ST7: variants seen among roughly 807,000 people sequenced by gnomAD.
The protein encoded by ST7 is suppressor of tumorigenicity 7 protein.
ST7 carries 28 observed loss-of-function variants against 78.7 expected under a neutral mutation model. The ratio of observed to expected loss-of-function variants is 0.36; its 90% CI spans 0.26 to 0.49. The LOEUF is 0.49. Among genes scored for constraint, ST7 ranks in the 20% least tolerant of loss-of-function variants. ST7 has a pLI of 0.99. For missense variants in ST7, 418 were observed against 696.0 expected (o/e 0.60, Z 4.49); for synonymous variants, 247 against 249.6 (o/e 0.99, Z 0.10).
intron 1 of ST7, among the ~76,000 whole-genome samples, chr7:117,049,894 A>G (rs1797682789): frequency 6.6e-6 from 1 of 152,104 alleles, no homozygotes; most frequent in Admixed American, 6.5e-5. Context: ...ACAGTATTGT[A>G]CTAAACGTGA....
chr7:117,210,279 C>T (rs965179486), intron 13 of ST7, among the ~76,000 whole-genome samples: 1 of 152,180 alleles, frequency 6.6e-6, no homozygotes, highest in African/African-American at 2.4e-5. Context: ...GGTTAGGCTT[C>T]GTGCTGGACA....
chr7:117,025,886 T>G (rs1243965969), intron 1 of ST7, among the ~76,000 whole-genome samples: 3 of 152,236 alleles, frequency 2.0e-5, no homozygotes, highest in Non-Finnish European at 4.4e-5. Flanking sequence ...CTTCTGCATA[T>G]TTATATACTA....
At chr7:117,108,913 T>C (rs1369977323) in intron 2 of ST7, among the ~76,000 whole-genome samples, 1 of 152,210 alleles carries the variant, frequency 6.6e-6, no homozygotes, top group African/African-American at 2.4e-5. Context: ...TCGCTGTTGG[T>C]GTATAGCAGG....
intron 1 of ST7, among the ~76,000 whole-genome samples, chr7:117,005,046 AG>A (rs1453960097): frequency 6.6e-6 from 1 of 152,174 alleles, no homozygotes; most frequent in East Asian, 1.9e-4. Flanking sequence ...AGAAGTCCAC[AG>A]GCCTCTGTAT....
chr7:117,130,088 A>G (rs979299226), intron 4 of ST7, among the ~76,000 whole-genome samples: 2 of 151,902 alleles, frequency 1.3e-5, no homozygotes, highest in East Asian at 1.9e-4. Context: ...ATTCTTTTCA[A>G]TATATACTAT....
chr7:117,058,197 C>T (rs1798161762), intron 1 of ST7, among the ~76,000 whole-genome samples: 1 of 152,130 alleles, frequency 6.6e-6, no homozygotes, highest in Non-Finnish European at 1.5e-5. Context: ...TTTAGCCAGT[C>T]AGGTTATCTA....
intron 2 of ST7, among the ~76,000 whole-genome samples, chr7:117,101,000 G>T (rs1480929335): frequency 1.3e-5 from 2 of 152,168 alleles, no homozygotes; most frequent in Non-Finnish European, 2.9e-5. Context: ...GGAGCAAAGA[G>T]CATAAATGGA....
chr7:117,171,022 T>C, intron 10 of ST7, 46 bp downstream of exon 10: 1 of 1,324,476 alleles, frequency 7.6e-7, no homozygotes. Context: ...CCTCTTTTGA[T>C]GTATTTTCCC....
At chr7:117,145,772 A>G (rs1019784533) in intron 9 of ST7, among the ~76,000 whole-genome samples, 10 of 152,222 alleles carry the variant, frequency 6.6e-5, no homozygotes, top group African/African-American at 2.4e-4. Flanking sequence ...CAGGTCATAT[A>G]TAAAAGCAAA....
chr7:117,057,262 A>G (rs1343326527), intron 1 of ST7, among the ~76,000 whole-genome samples: 2 of 152,196 alleles, frequency 1.3e-5, no homozygotes, highest in East Asian at 3.8e-4. Flanking sequence ...TTCTTCATAT[A>G]TCTGAAAGTG....
chr7:117,184,818 G>A (rs1809098289), intron 10 of ST7, among the ~76,000 whole-genome samples: 1 of 152,132 alleles, frequency 6.6e-6, no homozygotes, highest in Admixed American at 6.5e-5. Flanking sequence ...CTCTAGCAAT[G>A]TCAATTTCTT....
intron 10 of ST7, chr7:117,182,634 T>C (rs571209895): frequency 3.3e-5 from 5 of 152,246 alleles, no homozygotes; most frequent in South Asian, 2.1e-4. Flanking sequence ...CACACAATCA[T>C]AGGAACAAAC....
At chr7:117,037,472 C>G (rs561166702) in intron 1 of ST7, among the ~76,000 whole-genome samples, 3 of 152,286 alleles carry the variant, frequency 2.0e-5, no homozygotes, top group African/African-American at 7.2e-5. Context: ...TACAAATAGA[C>G]CTTTTCTTTC....
chr7:117,188,409 G>A (rs1809458132), intron 10 of ST7, among the ~76,000 whole-genome samples: 1 of 152,172 alleles, frequency 6.6e-6, no homozygotes, highest in South Asian at 2.1e-4. Flanking sequence ...AGGTATTTCT[G>A]TGTCATAGTG....
At chr7:117,026,902 C>A (rs553004104) in intron 1 of ST7, among the ~76,000 whole-genome samples, 1 of 152,138 alleles carries the variant, frequency 6.6e-6, no homozygotes, top group East Asian at 1.9e-4. Flanking sequence ...TTAAGGGACC[C>A]AATAGGAGGT....
intron 9 of ST7, among the ~76,000 whole-genome samples, chr7:117,141,158 C>T (rs1299480916): frequency 6.6e-6 from 1 of 152,160 alleles, no homozygotes; most frequent in Non-Finnish European, 1.5e-5. Context: ...GAGGCTTAGG[C>T]AGGATGATCT....
At chr7:117,116,501 G>A (rs1802897064) in intron 2 of ST7, among the ~76,000 whole-genome samples, 1 of 152,146 alleles carries the variant, frequency 6.6e-6, no homozygotes, top group Non-Finnish European at 1.5e-5. Context: ...CATATTTCAG[G>A]ATAAGGGAAA....
At chr7:117,146,953 T>TTAAATATAGTTGGTGAGGAA (rs1178677409) in intron 9 of ST7, among the ~76,000 whole-genome samples, 2 of 152,198 alleles carry the variant, frequency 1.3e-5, no homozygotes, top group African/African-American at 2.4e-5. Context: ...ATTAGATCCC[T>TTAAATATAGTTGGTGAGGAA]CTTAAAATAT....
intron 1 of ST7, among the ~76,000 whole-genome samples, chr7:117,010,426 G>C (rs1795341052): frequency 6.6e-6 from 1 of 152,170 alleles, no homozygotes; most frequent in Non-Finnish European, 1.5e-5. Flanking sequence ...TAGGCCATGA[G>C]GTAGACTTGG....
Sources: gnomAD v4.1 joint callset for allele counts (sites outside exome capture counted in the v4.1 genomes callset) on GRCh38, gnomAD v4.1.1 for gene constraint, MANE v1.5 for transcripts, NCBI Gene and HGNC (gene_info 2026-07-23, HGNC 2026-07-21) for gene names.